The following NRP1 variants were observed in gnomAD, a reference collection of about 807,000 sequenced individuals.
The protein encoded by NRP1 is neuropilin-1.
In NRP1, 35 loss-of-function variants were observed where a neutral mutation model predicts 106.7. The observed-to-expected ratio is 0.33, with a 90% CI of 0.25 to 0.43. The LOEUF (loss-of-function observed/expected upper bound fraction) is 0.43. Ranked by LOEUF, NRP1 falls within the 20% of genes least tolerant of loss-of-function variation. The pLI, the probability that NRP1 is intolerant of heterozygous loss-of-function variation, is 1.00. For synonymous variants in NRP1, 437 were observed against 417.9 expected (o/e 1.05, Z -0.56); for missense variants, 1,024 against 1,170.4 (o/e 0.87, Z 1.83).
At chr10:33,299,913 A>T (rs1328657661) in intron 2 of NRP1, among the ~76,000 whole-genome samples, 1 of 152,068 alleles carries the variant, frequency 6.6e-6, no homozygotes, top group Non-Finnish European at 1.5e-5. Context: ...CTCCATCTGA[A>T]CTCTTGGTTA....
At chr10:33,259,147 CTCTTTGAAAGAGA>C (rs1323012421) in intron 4 of NRP1, among the ~76,000 whole-genome samples, 1 of 152,152 alleles carries the variant, frequency 6.6e-6, no homozygotes, top group African/African-American at 2.4e-5. Flanking sequence ...GAAGGGGAAT[CTCTTTGAAAGAGA>C]AAACAGAAGA....
chr10:33,181,048 G>A (rs1486919223), intron 16 of NRP1, among the ~76,000 whole-genome samples: 3 of 152,184 alleles, frequency 2.0e-5, no homozygotes, highest in South Asian at 2.1e-4. Flanking sequence ...TGCAGCCCTG[G>A]TAGTTTAACT....
At chr10:33,254,811 C>G (rs1402039055) in intron 5 of NRP1, among the ~76,000 whole-genome samples, 3 of 152,066 alleles carry the variant, frequency 2.0e-5, no homozygotes, top group Non-Finnish European at 4.4e-5. Context: ...TCACACGGCC[C>G]CAAAGCACCA....
At chr10:33,290,337 G>C (rs1195560389) in intron 2 of NRP1, among the ~76,000 whole-genome samples, 1 of 141,184 alleles carries the variant, frequency 7.1e-6, no homozygotes, top group African/African-American at 2.6e-5. Flanking sequence ...GTGTGTCTTT[G>C]TTACCAAGAG....
Position 33,204,316 on chromosome 10 carries a change from C to T in NRP1, c.1760-1321G>A, listed in dbSNP as rs149070938. Among the ~76,000 whole-genome samples the T allele has an allele frequency of 3.0e-4, 46 of 152,250 alleles. No individual in the cohort carries two copies. The East Asian group carries it at 6.2e-3, about 21-fold the overall frequency. On this transcript the variant is annotated intron_variant, in intron 10 of 16. Transcript: ENST00000374867. ...CAGAGCCAAGTTTCAACTTCTTCAA[C>T]GGCCCAAAGATACACACCAGTAATA... is the stretch of plus-strand genomic sequence containing the variant.
chr10:33,248,247 G>A (rs1057147316), intron 6 of NRP1, among the ~76,000 whole-genome samples: 6 of 152,086 alleles, frequency 3.9e-5, no homozygotes, highest in Admixed American at 6.5e-5. Flanking sequence ...CCAAGATCGT[G>A]CCACTGCACT....
At chr10:33,319,062 T>C (rs1250258926) in intron 2 of NRP1, among the ~76,000 whole-genome samples, 2 of 145,892 alleles carry the variant, frequency 1.4e-5, no homozygotes, top group South Asian at 2.2e-4. Context: ...TGGAGTGCAG[T>C]GGCACGATAT....
intron 16 of NRP1, among the ~76,000 whole-genome samples, 153 bp downstream of exon 16, chr10:33,182,545 G>A (rs1044339183): frequency 3.9e-5 from 6 of 152,076 alleles, no homozygotes; most frequent in East Asian, 1.9e-4. Context: ...AGCACAATCC[G>A]ATCCACAGCA....
At chr10:33,244,836 C>T (rs1002555891) in intron 6 of NRP1, among the ~76,000 whole-genome samples, 5 of 152,162 alleles carry the variant, frequency 3.3e-5, no homozygotes, top group African/African-American at 9.7e-5. Context: ...TGTCAAAGAG[C>T]TAATTTCAGT....
At position 33,226,109 on chromosome 10, in the gene NRP1, T is replaced by C. The variant is rs989222627; in HGVS notation, c.1137+25A>G. The C allele has an allele frequency of 2.5e-6, 4 of 1,611,430 alleles. No homozygotes were observed. The African/African-American group carries it at 5.3e-5, about 22-fold the overall frequency. On this transcript the variant is annotated intron_variant, in intron 7 of 16. Transcript: ENST00000374867. ...TCATCCATTTAAAAGACCAAATTGG[T>C]TGCCACGGTGGCAGCCTAACTTACA...
rs1842735366 is a variant in NRP1 at position 33,263,754 on chromosome 10, C to G, written c.550G>C (p.Glu184Gln). Reference protein sequence around the residue: ...TYIVFVPKMSEIILEFESFDL... With the variant: ...TYIVFVPKMSQIILEFESFDL... ...AAGCTTTCAAATTCCAGGATAATCT[C>G]TGACATCTTTGGCACAAAGACAATA... Residue 184 changes from glutamate (E) to glutamine (Q), a missense_variant, in exon 4 of 17, where the codon GAG (glutamate) becomes CAG (glutamine). By Grantham distance (29) the Glu-to-Gln change is conservative. Transcript: ENST00000374867. 7 of 1,613,940 alleles carry G rather than the reference C, an allele frequency of 4.3e-6. No homozygotes were observed. The highest frequency in any genetic ancestry group is 5.9e-6 in the Non-Finnish European group (7 of 1,179,848).
At chr10:33,252,565 A>G (rs1841943026) in intron 6 of NRP1, among the ~76,000 whole-genome samples, 1 of 152,006 alleles carries the variant, frequency 6.6e-6, no homozygotes, top group South Asian at 2.1e-4. Context: ...CCACACCCCT[A>G]TCGCACGCCC....
At position 33,251,887 on chromosome 10, in the gene NRP1, G is replaced by C. The variant is rs373789153; in HGVS notation, c.981+2141C>G. ...GGCAAGAGCGCGGTCCCTTTAAATG[G>C]TACAGAAGGGGGAAGGGAAGTGCAG... On this transcript the variant is annotated intron_variant, in intron 6 of 16. Transcript: ENST00000374867. Among the ~76,000 whole-genome samples the C allele has an allele frequency of 3.9e-4, 60 of 152,206 alleles. No homozygotes were observed. In the East Asian group the frequency reaches 0.01, roughly 26 times the overall value.
At chr10:33,320,643 G>T (rs11009340) in intron 2 of NRP1, among the ~76,000 whole-genome samples, 19,939 of 152,088 alleles carry the variant, frequency 0.13, 1,657 homozygotes, top group East Asian at 0.29. Flanking sequence ...ACCTACTGTG[G>T]GTCACAGACG....
chr10:33,271,725 A>C (rs949023879), intron 2 of NRP1, among the ~76,000 whole-genome samples: 1 of 152,240 alleles, frequency 6.6e-6, no homozygotes, highest in African/African-American at 2.4e-5. Context: ...GATAAGAGAT[A>C]GTTGGATCTT....
intron 2 of NRP1, among the ~76,000 whole-genome samples, chr10:33,284,234 A>G (rs1324271255): frequency 2.0e-5 from 3 of 152,180 alleles, no homozygotes; most frequent in African/African-American, 7.2e-5. Context: ...TTTACTAAAA[A>G]CCAGAATATG....
At chr10:33,207,517 C>T in intron 10 of NRP1, 55 bp downstream of exon 10, 2 of 1,601,828 alleles carry the variant, frequency 1.2e-6, no homozygotes, top group Non-Finnish European at 8.5e-7. Flanking sequence ...GGCATAAATG[C>T]ATGGAAGAGG....
chr10:33,250,797 C>T (rs892444895), intron 6 of NRP1, among the ~76,000 whole-genome samples: 2 of 152,146 alleles, frequency 1.3e-5, no homozygotes, highest in African/African-American at 4.8e-5. Flanking sequence ...TAGGACAGAT[C>T]GGGCCACATT....
intron 2 of NRP1, among the ~76,000 whole-genome samples, chr10:33,326,968 T>A (rs991270992): frequency 1.3e-5 from 2 of 152,126 alleles, no homozygotes; most frequent in Non-Finnish European, 2.9e-5. Flanking sequence ...TAAAAAATTT[T>A]TTTTTTTCTA....
Sources: allele counts gnomAD v4.1 joint callset (sites outside exome capture counted in the v4.1 genomes callset), GRCh38; gene constraint gnomAD v4.1.1; transcripts MANE v1.5; gene names NCBI Gene and HGNC (gene_info 2026-07-23, HGNC 2026-07-21).